DENND1B: variants seen among roughly 807,000 people sequenced by gnomAD.
DENND1B encodes DENN domain-containing protein 1B.
In DENND1B, 59 loss-of-function variants were observed where a neutral mutation model predicts 90.1. The ratio of observed to expected loss-of-function variants is 0.65; its 90% CI spans 0.53 to 0.81. The LOEUF (loss-of-function observed/expected upper bound fraction) is 0.81, where lower values mean the gene tolerates loss of function less well. DENND1B is among the 40% of genes least tolerant of loss of function. The probability of loss-of-function intolerance (pLI) is 0.00; values close to 1 mark genes in which losing one functional copy is unlikely to be tolerated. For synonymous variants in DENND1B, 337 were observed against 324.6 expected (o/e 1.04, Z -0.41); for missense variants, 862 against 912.6 (o/e 0.94, Z 0.71).
intron 10 of DENND1B, among the ~76,000 whole-genome samples, chr1:197,639,064 G>C (rs1386150884): frequency 1.4e-5 from 2 of 148,080 alleles, no homozygotes; most frequent in African/African-American, 4.9e-5. Flanking sequence ...ATCTTTTAAA[G>C]GTTAATTTTT....
rs1217891300 is a variant in DENND1B at position 197,544,548 on chromosome 1, AT to A, written c.1350+1373del. Among the ~76,000 whole-genome samples the A allele has an allele frequency of 2.6e-5, 4 of 151,902 alleles. No individual in the cohort carries two copies. In the East Asian group the frequency reaches 5.8e-4, roughly 22 times the overall value. Reference sequence around the variant, plus strand: ...TATTATTCTTACTATTATTCCCATTATTTTTTTTCTGCAAGTCTTACAGCAG... The same window carrying A: ...TATTATTCTTACTATTATTCCCATTATTTTTTTCTGCAAGTCTTACAGCAG... On this transcript the variant is annotated intron_variant, in intron 18 of 22. Coordinates refer to ENST00000620048, the MANE Select transcript of DENND1B (RefSeq NM_001195215.2).
intron 2 of DENND1B, among the ~76,000 whole-genome samples, chr1:197,751,234 T>A (rs1653465758): frequency 6.6e-6 from 1 of 152,198 alleles, no homozygotes. Flanking sequence ...ACAGAGTATG[T>A]TCTCTGACCT....
At chr1:197,682,084 T>C (rs776572502) in intron 3 of DENND1B, among the ~76,000 whole-genome samples, 2 of 151,992 alleles carry the variant, frequency 1.3e-5, no homozygotes, top group Admixed American at 6.6e-5. Context: ...TTGTGGTTTA[T>C]CTAGTTGCTT....
At chr1:197,601,113 G>A (rs1676168126) in intron 13 of DENND1B, among the ~76,000 whole-genome samples, 1 of 151,534 alleles carries the variant, frequency 6.6e-6, no homozygotes, top group African/African-American at 2.4e-5. Context: ...GTCTCTATTT[G>A]TAATACTAGA....
At chr1:197,665,287 C>G (rs1654831448) in intron 5 of DENND1B, among the ~76,000 whole-genome samples, 1 of 152,146 alleles carries the variant, frequency 6.6e-6, no homozygotes, top group Non-Finnish European at 1.5e-5. Context: ...TATAGCATAG[C>G]ATGCAATTTT....
chr1:197,572,809 G>A (rs971530984), intron 15 of DENND1B, among the ~76,000 whole-genome samples: 6 of 152,106 alleles, frequency 3.9e-5, no homozygotes, highest in African/African-American at 1.2e-4. Context: ...AACTCCAACC[G>A]ACCTGCAGCT....
At chr1:197,594,590 C>G (rs1020242218) in intron 14 of DENND1B, among the ~76,000 whole-genome samples, 7 of 152,080 alleles carry the variant, frequency 4.6e-5, no homozygotes, top group Non-Finnish European at 7.4e-5. Context: ...ACCAACAATT[C>G]AGAGAGAGCA....
rs572066250 is a variant in DENND1B, at chr1:197,635,417, A to G, written c.672+7294T>C. Among the ~76,000 whole-genome samples the G allele has an allele frequency of 9.6e-4, 146 of 152,096 alleles. 1 individual carries two copies. Among genetic ancestry groups the G allele is most frequent in the Non-Finnish European group, 1.8e-3 (125 of 68,012 alleles). On this transcript the variant is annotated intron_variant, in intron 10 of 22. Coordinates refer to ENST00000620048, the MANE Select transcript of DENND1B (RefSeq NM_001195215.2). ...CAGTAGAGCGATTATGGCTCACTAC[A>G]GTACTAAACTCCTGGCTCAAGCAAT...
At chr1:197,735,862 T>A in intron 2 of DENND1B, 3 of 1,588,986 alleles carry the variant, frequency 1.9e-6, no homozygotes, top group Non-Finnish European at 2.6e-6. Context: ...TGCCGAGCAG[T>A]CAAATTGCAG....
chr1:197,547,289 C>T (rs1670883833), intron 16 of DENND1B, among the ~76,000 whole-genome samples: 1 of 151,258 alleles, frequency 6.6e-6, no homozygotes. Context: ...TTTAAAGTCC[C>T]AGTGGCTACT....
intron 10 of DENND1B, among the ~76,000 whole-genome samples, chr1:197,628,750 T>C (rs1337853958): frequency 6.6e-6 from 1 of 151,656 alleles, no homozygotes; most frequent in Non-Finnish European, 1.5e-5. Flanking sequence ...ACCTACAACA[T>C]GGGAGAAAAT....
At chr1:197,721,063 G>GC (rs1292290192) in intron 2 of DENND1B, among the ~76,000 whole-genome samples, 2 of 120,692 alleles carry the variant, frequency 1.7e-5, no homozygotes, top group East Asian at 5.1e-4. Flanking sequence ...CTGAGAAACG[G>GC]CATTTTTTTT....
intron 2 of DENND1B, among the ~76,000 whole-genome samples, chr1:197,727,140 T>C (rs1661712806): frequency 1.3e-5 from 2 of 152,198 alleles, no homozygotes; most frequent in African/African-American, 4.8e-5. Context: ...AACACTGTGA[T>C]ACTGGCAAAA....
rs6666890 is a variant in DENND1B at position 197,590,673 on chromosome 1, A to T, written c.1047+4535T>A. Among the ~76,000 whole-genome samples, 896 of 152,266 alleles carry T rather than the reference A, an allele frequency of 5.9e-3. 13 individuals carry two copies. Among genetic ancestry groups the T allele is most frequent in the African/African-American group, 0.02 (838 of 41,556 alleles). Reference sequence around the variant, plus strand: ...TATAAAATAAGTTACTCTTTAGCAGAATTTAGCTTATGTATTTAGTATCTG... The same window carrying T: ...TATAAAATAAGTTACTCTTTAGCAGTATTTAGCTTATGTATTTAGTATCTG... On this transcript the variant is annotated intron_variant, in intron 14 of 22. Transcript: ENST00000620048.
intron 2 of DENND1B, among the ~76,000 whole-genome samples, chr1:197,738,594 T>C (rs1662931343): frequency 6.6e-6 from 1 of 152,226 alleles, no homozygotes; most frequent in African/African-American, 2.4e-5. Context: ...AGAACTTCCA[T>C]GGTAACTATA....
intron 2 of DENND1B, among the ~76,000 whole-genome samples, chr1:197,770,755 T>TATATATAAATATATATCTATAA (rs1253171314): frequency 2.8e-5 from 4 of 141,718 alleles, no homozygotes; most frequent in South Asian, 2.1e-4. Flanking sequence ...TATCTATAAA[T>TATATATAAATATATATCTATAA]ATATATAAAT....
intron 2 of DENND1B, among the ~76,000 whole-genome samples, chr1:197,769,778 TAAAC>T (rs1656173246): frequency 6.6e-6 from 1 of 152,158 alleles, no homozygotes; most frequent in African/African-American, 2.4e-5. Context: ...TATCGTACCT[TAAAC>T]AAGCTGATAA....
intron 2 of DENND1B, among the ~76,000 whole-genome samples, chr1:197,728,186 C>T (rs958514437): frequency 6.6e-6 from 1 of 152,120 alleles, no homozygotes; most frequent in African/African-American, 2.4e-5. Context: ...CTAGACACAT[C>T]TACAATTGTT....
intron 5 of DENND1B, among the ~76,000 whole-genome samples, chr1:197,664,223 ACAGT>A (rs1474083689): frequency 6.6e-6 from 1 of 152,078 alleles, no homozygotes; most frequent in Admixed American, 6.6e-5. Flanking sequence ...AGTCCCAAAG[ACAGT>A]CAAAGTCTGT....
Sources: allele counts gnomAD v4.1 joint callset (sites outside exome capture counted in the v4.1 genomes callset), GRCh38; gene constraint gnomAD v4.1.1; transcripts MANE v1.5; gene names NCBI Gene and HGNC (gene_info 2026-07-23, HGNC 2026-07-21).